Variants in CABIN1 observed in about 807,000 individuals in gnomAD.
CABIN1 encodes the protein calcineurin binding protein 1.
CABIN1 carries 133 observed loss-of-function variants against 227.7 expected under a neutral mutation model. The ratio of observed to expected loss-of-function variants is 0.58; its 90% CI spans 0.51 to 0.67. CABIN1 has a LOEUF of 0.67. CABIN1 is among the 30% of genes least tolerant of loss of function. The pLI is 0.00. For missense variants in CABIN1, 2,408 were observed against 2,852.5 expected (o/e 0.84, Z 3.55); for synonymous variants, 1,086 against 1,155.1 (o/e 0.94, Z 1.21).
intron 33 of CABIN1, among the ~76,000 whole-genome samples, chr22:24,169,899 A>G (rs756905064): frequency 6.6e-6 from 1 of 152,222 alleles, no homozygotes; most frequent in Non-Finnish European, 1.5e-5. Context: ...AGGCACATGC[A>G]TATTGGGGCC....
intron 29 of CABIN1, among the ~76,000 whole-genome samples, 160 bp downstream of exon 29, chr22:24,134,575 C>T (rs1332630772): frequency 6.6e-6 from 1 of 152,148 alleles, no homozygotes; most frequent in African/African-American, 2.4e-5. Flanking sequence ...AGCCAGACTC[C>T]GGTGTGGGGC....
chr22:24,168,691 G>C (rs922696557), intron 33 of CABIN1, 170 bp downstream of exon 33: 1 of 712,630 alleles, frequency 1.4e-6, no homozygotes, highest in Non-Finnish European at 2.5e-6. Context: ...TGGCCATAGT[G>C]GGCAGGAACT....
At chr22:24,101,867 A>C (rs1401770120) in intron 26 of CABIN1, 1 of 151,316 alleles carries the variant, frequency 6.6e-6, no homozygotes, top group Non-Finnish European at 1.5e-5. Flanking sequence ...GCGTGTATGT[A>C]TGTGTGTGTG....
chr22:24,089,537 G>C (rs548177076), intron 23 of CABIN1, among the ~76,000 whole-genome samples: 4 of 152,300 alleles, frequency 2.6e-5, no homozygotes, highest in South Asian at 2.1e-4. Flanking sequence ...GGGAAGGTAG[G>C]GGGAGGTGTT....
At chr22:24,156,805 C>T (rs1402561220) in intron 29 of CABIN1, among the ~76,000 whole-genome samples, 1 of 152,084 alleles carries the variant, frequency 6.6e-6, no homozygotes, top group African/African-American at 2.4e-5. Context: ...GCAGAGTTGG[C>T]GGCGGGGCTC....
At chr22:24,139,590 T>TGC (rs2044627903) in intron 29 of CABIN1, among the ~76,000 whole-genome samples, 1 of 151,204 alleles carries the variant, frequency 6.6e-6, no homozygotes, top group Non-Finnish European at 1.5e-5. Flanking sequence ...AGTGTGCGTG[T>TGC]GTGCTTTTTA....
At chr22:24,060,967 G>C (rs1460273064) in intron 12 of CABIN1, among the ~76,000 whole-genome samples, 3 of 152,184 alleles carry the variant, frequency 2.0e-5, no homozygotes, top group Non-Finnish European at 4.4e-5. Flanking sequence ...TTAGGATGTG[G>C]TCTTGCCATG....
At chr22:24,132,077 A>AT (rs1431405936) in intron 28 of CABIN1, among the ~76,000 whole-genome samples, 1 of 151,978 alleles carries the variant, frequency 6.6e-6, no homozygotes, top group Non-Finnish European at 1.5e-5. Context: ...AAAAAAAAAA[A>AT]AAATACAGTG....
At position 24,132,446 on chromosome 22, in the gene CABIN1, G is replaced by A. The variant is rs2044132996; in HGVS notation, c.4633-1856G>A. 3.9e-5 allele frequency among the ~76,000 whole-genome samples: 6 copies of A among 152,302 alleles called. No homozygotes were observed. The South Asian group carries it at 1.2e-3, about 32-fold the overall frequency. On this transcript the variant is annotated intron_variant, in intron 28 of 36. Transcript: ENST00000263119. ...GGGCATGTGGCCTGGGATAGGGTGG[G>A]GTGGAGTGCAGAGGTGGGAAGCATT...
At chr22:24,136,522 G>GTCTTTTTTTTTTTTTTTT (rs2044413985) in intron 29 of CABIN1, among the ~76,000 whole-genome samples, 1 of 77,378 alleles carries the variant, frequency 1.3e-5, no homozygotes, top group Non-Finnish European at 2.4e-5. Flanking sequence ...GCTAATTTTT[G>GTCTTTTTTTTTTTTTTTT]TATTTTTTTT....
intron 31 of CABIN1, 144 bp from the exon 32 acceptor site, chr22:24,166,493 AAC>A: frequency 9.9e-7 from 1 of 1,007,942 alleles, no homozygotes; most frequent in Admixed American, 1.8e-5. Flanking sequence ...TGATAACTGA[AAC>A]ACAGCCCTGG....
chr22:24,051,128 C>T (rs1219829004), intron 8 of CABIN1, among the ~76,000 whole-genome samples, 154 bp downstream of exon 8: 2 of 152,188 alleles, frequency 1.3e-5, no homozygotes, highest in Non-Finnish European at 2.9e-5. Context: ...GTTGGAGGTG[C>T]ATGCTTACTT....
chr22:24,125,687 C>T (rs2043677654), intron 28 of CABIN1, among the ~76,000 whole-genome samples: 1 of 152,216 alleles, frequency 6.6e-6, no homozygotes, highest in African/African-American at 2.4e-5. Context: ...TTTCTGTGGA[C>T]ATAAAAGTGG....
intron 27 of CABIN1, among the ~76,000 whole-genome samples, chr22:24,116,704 C>T (rs899487508): frequency 1.3e-5 from 2 of 152,194 alleles, no homozygotes; most frequent in African/African-American, 4.8e-5. Flanking sequence ...TGTGTAGCCA[C>T]CTGAGGGCCA....
intron 28 of CABIN1, among the ~76,000 whole-genome samples, chr22:24,125,042 G>C (rs2043635577): frequency 6.6e-6 from 1 of 152,184 alleles, no homozygotes; most frequent in Non-Finnish European, 1.5e-5. Flanking sequence ...GGGAAACCTA[G>C]AGGACATAAT....
chr22:24,166,003 T>C (rs2046424701), intron 31 of CABIN1, among the ~76,000 whole-genome samples: 1 of 152,198 alleles, frequency 6.6e-6, no homozygotes, highest in Non-Finnish European at 1.5e-5. Context: ...GGTGCAGCAG[T>C]ACCTCCTTCT....
intron 14 of CABIN1, among the ~76,000 whole-genome samples, chr22:24,063,777 T>C (rs1601861127): frequency 1.3e-5 from 2 of 152,230 alleles, no homozygotes; most frequent in Non-Finnish European, 2.9e-5. Flanking sequence ...TTTGCTCAAG[T>C]GTCCTCAGTG....
chr22:24,112,822 G>A (rs1474282715), intron 26 of CABIN1, among the ~76,000 whole-genome samples: 3 of 152,120 alleles, frequency 2.0e-5, no homozygotes, highest in South Asian at 2.1e-4. Flanking sequence ...AAAGCAACAA[G>A]GTTTCCTCCC....
intron 5 of CABIN1, 86 bp from the exon 6 acceptor site, chr22:24,042,818 C>CTGTG (rs56070926): frequency 0.06 from 40,585 of 679,494 alleles, 1,299 homozygotes; most frequent in Admixed American, 0.1. Context: ...AGAGATCTGA[C>CTGTG]TGTGTGTGTG....
Sources: gnomAD v4.1 joint callset for allele counts (sites outside exome capture counted in the v4.1 genomes callset) on GRCh38, gnomAD v4.1.1 for gene constraint, MANE v1.5 for transcripts, NCBI Gene and HGNC (gene_info 2026-07-23, HGNC 2026-07-21) for gene names.